The following TAF7L variants were observed in gnomAD, a reference collection of about 807,000 sequenced individuals.
The protein encoded by TAF7L is TATA-box binding protein associated factor 7 like.
TAF7L carries 6 observed loss-of-function variants against 30.2 expected under a neutral mutation model. The observed-to-expected ratio is 0.20, with a 90% CI of 0.11 to 0.39. The LOEUF (loss-of-function observed/expected upper bound fraction) is 0.39, where lower values mean the gene tolerates loss of function less well. TAF7L is among the 10% of genes least tolerant of loss of function. The pLI, the probability that TAF7L is intolerant of heterozygous loss-of-function variation, is 1.00. For synonymous variants in TAF7L, 93 were observed against 94.5 expected, an observed-to-expected ratio of 0.98 and a Z score of 0.09; for missense variants, 284 against 277.1, an observed-to-expected ratio of 1.03 and a Z score of -0.18.
Position 101,268,945 on chromosome X carries a change from T to C in TAF7L, c.*248A>G, listed in dbSNP as rs1923879013. On this transcript the variant is annotated 3_prime_UTR_variant, in exon 13 of 13. Transcript: ENST00000356784. ...CAAGACCCCATTTCTAAATTAATAA[T>C]AATAATTCCCAAATTGACAAAGAGA... 1 of 279,149 alleles carries C rather than the reference T, an allele frequency of 3.6e-6. No individual in the cohort carries two copies. The highest frequency in any genetic ancestry group is 2.7e-5 in the African/African-American group (1 of 36,398). The allele number at this position is 279,149 out of a possible 1,213,427, so 23.0% of individuals were successfully genotyped here. A position where few individuals can be genotyped will look rare whatever the true frequency, so the allele number is the denominator to read the frequency against.
intron 6 of TAF7L, among the ~76,000 whole-genome samples, chrX:101,279,274 T>TTA (rs1924320485): frequency 1.8e-5 from 2 of 112,235 alleles, no homozygotes; most frequent in African/African-American, 6.5e-5. Flanking sequence ...GCCAAAATTC[T>TTA]AGCAAGGTTT....
intron 6 of TAF7L, among the ~76,000 whole-genome samples, chrX:101,279,785 G>A (rs994716303): frequency 2.7e-5 from 3 of 111,370 alleles, no homozygotes; most frequent in African/African-American, 9.8e-5. Context: ...GATCAGTGGA[G>A]GAGAATGGAG....
intron 1 of TAF7L, among the ~76,000 whole-genome samples, chrX:101,289,417 G>C (rs1924722842): frequency 8.9e-6 from 1 of 111,963 alleles, no homozygotes; most frequent in African/African-American, 3.2e-5. Context: ...ACGTGGGATT[G>C]CTGGATCCCA....
Position 101,281,716 on chromosome X carries a change from T to A in TAF7L, c.462+4A>T. On this transcript the variant is annotated splice_donor_region_variant and intron_variant, in intron 6 of 12. Coordinates refer to ENST00000356784, the MANE Select transcript of TAF7L (RefSeq NM_001168474.2). ...GGCAGACACACAAATAGCATGTAAC[T>A]AACCTTTTTTTGTGTTTTCCGGAAC... The A allele has an allele frequency of 8.3e-7, 1 of 1,210,377 alleles. No homozygotes were observed. Among genetic ancestry groups the A allele is most frequent in the Non-Finnish European group, 1.1e-6 (1 of 894,471 alleles).
chrX:101,291,821 G>C (rs1402071944), upstream of TAF7L, among the ~76,000 whole-genome samples: 11 of 100,611 alleles, frequency 1.1e-4, no homozygotes, highest in Middle Eastern at 5.7e-3. Context: ...AGCCGAGATT[G>C]CGCCACTGCA....
At chrX:101,272,522 C>T (rs913473051) in intron 12 of TAF7L, among the ~76,000 whole-genome samples, 1 of 110,744 alleles carries the variant, frequency 9.0e-6, no homozygotes, top group Non-Finnish European at 1.9e-5. Context: ...GAGAGGAGCC[C>T]GACTCAAAAC....
At chrX:101,274,459 G>A (rs151321855) in intron 12 of TAF7L, among the ~76,000 whole-genome samples, 1,568 of 110,909 alleles carry the variant, frequency 0.014, 35 homozygotes, top group African/African-American at 0.05. Flanking sequence ...CTCTCGCGTC[G>A]GCCTCCCAAA....
intron 7 of TAF7L, 116 bp from the exon 8 acceptor site, chrX:101,278,237 C>T: frequency 9.7e-6 from 5 of 514,409 alleles, no homozygotes; most frequent in Non-Finnish European, 1.6e-5. Flanking sequence ...TCTTTAAATT[C>T]TGATCCAACC....
intron 12 of TAF7L, 75 bp from the exon 13 acceptor site, chrX:101,269,312 T>A: frequency 1.1e-6 from 1 of 926,151 alleles, no homozygotes; most frequent in Non-Finnish European, 1.5e-6. Flanking sequence ...AGAATTTACT[T>A]AAATGAACCA....
chrX:101,282,481 A>G lies in TAF7L; in HGVS notation c.280-28T>C, dbSNP rs182155185. The G allele has an allele frequency of 2.4e-4, 293 of 1,206,014 alleles. 1 individual carries two copies. The African/African-American group carries it at 4.4e-3, about 18-fold the overall frequency. On this transcript the variant is annotated intron_variant, in intron 4 of 12. Transcript: ENST00000356784. ...ACATTTAACAAAGACAAAGAAGTTG[A>G]CTATGACCACGAATTTTGGGTTAGC...
intron 4 of TAF7L, 100 bp downstream of exon 4, chrX:101,283,350 G>C: frequency 1.1e-6 from 1 of 904,584 alleles, no homozygotes; most frequent in Non-Finnish European, 1.6e-6. Context: ...ATGCCAAGCA[G>C]CCATTCACCA....
Position 101,291,204 on chromosome X carries a change from C to A in TAF7L, c.-3+20G>T, listed in dbSNP as rs990870112. 109 of 731,332 alleles carry A rather than the reference C, an allele frequency of 1.5e-4. No individual in the cohort carries two copies. The Middle Eastern group carries it at 4.7e-3, about 32-fold the overall frequency. The allele number at this position is 731,332 out of a possible 1,213,427, so 60.3% of individuals were successfully genotyped here. ...GGGCGCTGACCCGGTCCCGGCCGCC[C>A]GGTCGGCCGCCCGACTCACCCGCTC... On this transcript the variant is annotated intron_variant, in intron 1 of 12. Transcript: ENST00000356784.
chrX:101,273,063 C>T (rs188748481), intron 12 of TAF7L, among the ~76,000 whole-genome samples: 3 of 111,626 alleles, frequency 2.7e-5, no homozygotes, highest in East Asian at 5.7e-4. Context: ...CACGCACCAC[C>T]GCACCCAGCC....
In TAF7L at chrX:101,276,036, C is replaced by G. The variant is rs760409187; in HGVS notation, c.990G>C (p.Lys330Asn). The change falls in exon 11 of 13, where the codon AAG becomes AAC. Residue 330 changes from lysine to asparagine, a missense_variant. Coordinates refer to ENST00000356784, the MANE Select transcript of TAF7L (RefSeq NM_001168474.2). ...HKIQNKAQRQ[K>N]DLIMKVENLT... is the part of the protein sequence containing the mutation. ...GGTTTTCCACTTTCATGATGAGATC[C>G]TTCTGTCTTTGTGCTTTATTCTGAA... 35 of 1,201,663 alleles carry G rather than the reference C, an allele frequency of 2.9e-5. No homozygotes were observed. The highest frequency in any genetic ancestry group is 3.4e-5 in the Non-Finnish European group (30 of 892,819).
chrX:101,275,183 T>C (rs954698219), intron 12 of TAF7L, 39 bp downstream of exon 12: 1 of 991,031 alleles, frequency 1.0e-6, no homozygotes, highest in Non-Finnish European at 1.4e-6. Context: ...ATTCTCTGTA[T>C]CAAATGTTTT....
In TAF7L at chrX:101,276,294, T is replaced by C; in HGVS notation, c.913+13A>G. ...CCCACCCTGGTCCCATCCCTTTGTT[T>C]TTTCTGACTTACCTATTGAACTGGT... On this transcript the variant is annotated intron_variant, in intron 10 of 12. Transcript: ENST00000356784. The C allele has an allele frequency of 8.3e-7, 1 of 1,211,191 alleles. No individual in the cohort carries two copies. The highest frequency in any genetic ancestry group is 1.1e-6 in the Non-Finnish European group (1 of 895,263).
intron 6 of TAF7L, among the ~76,000 whole-genome samples, chrX:101,279,968 C>A (rs778009115): frequency 5.8e-4 from 58 of 100,450 alleles, no homozygotes; most frequent in South Asian, 2.7e-3. Context: ...ACAACAACAA[C>A]AAAAAAAAAA....
intron 2 of TAF7L, 140 bp downstream of exon 2, chrX:101,287,338 A>G: frequency 1.9e-6 from 1 of 535,416 alleles, no homozygotes; most frequent in Non-Finnish European, 3.0e-6. Context: ...AGGACTGCTT[A>G]ACAGAACATG....
intron 3 of TAF7L, among the ~76,000 whole-genome samples, chrX:101,286,260 A>C (rs138584288): frequency 9.0e-6 from 1 of 111,362 alleles, no homozygotes; most frequent in East Asian, 2.8e-4. Context: ...TGGCATATCC[A>C]TTTGTCATTC....
Sources: allele counts gnomAD v4.1 joint callset (sites outside exome capture counted in the v4.1 genomes callset), GRCh38; gene constraint gnomAD v4.1.1; transcripts MANE v1.5; gene names NCBI Gene and HGNC (gene_info 2026-07-23, HGNC 2026-07-21).